FAM178B: variants seen among roughly 807,000 people sequenced by gnomAD.
The protein encoded by FAM178B is protein FAM178B.
In FAM178B, 82 loss-of-function variants were observed where a neutral mutation model predicts 91.7. That is an observed-to-expected ratio of 0.89 (90% CI 0.75 to 1.07). The LOEUF is 1.07. FAM178B is among the 50% of genes least tolerant of loss of function. The pLI, the probability that FAM178B is intolerant of heterozygous loss-of-function variation, is 0.00. For synonymous variants in FAM178B, 368 were observed against 359.4 expected (o/e 1.02, Z -0.27); for missense variants, 769 against 846.7 (o/e 0.91, Z 1.14).
intron 13 of FAM178B, chr2:96,897,792 GT>G (rs2080851912): frequency 5.7e-6 from 1 of 176,510 alleles, no homozygotes; most frequent in Non-Finnish European, 1.1e-5. Flanking sequence ...ATTTTTAAAC[GT>G]TGTATAAATC....
At chr2:96,957,364 G>C (rs925615130) in intron 6 of FAM178B, among the ~76,000 whole-genome samples, 7 of 152,194 alleles carry the variant, frequency 4.6e-5, no homozygotes, top group Non-Finnish European at 8.8e-5. Context: ...AGAGGTCCCA[G>C]GACTGAGACC....
At chr2:96,949,560 T>TG (rs1323311072) in intron 7 of FAM178B, among the ~76,000 whole-genome samples, 2 of 152,058 alleles carry the variant, frequency 1.3e-5, no homozygotes, top group African/African-American at 2.4e-5. Flanking sequence ...CCCTGGGACC[T>TG]CAGGAACCAC....
At chr2:96,882,171 C>G (rs2080400782) in intron 14 of FAM178B, among the ~76,000 whole-genome samples, 1 of 152,214 alleles carries the variant, frequency 6.6e-6, no homozygotes. Context: ...GTCCAGACAA[C>G]AAGCAAGGTG....
intron 14 of FAM178B, among the ~76,000 whole-genome samples, chr2:96,889,634 T>C (rs112729952): frequency 0.25 from 37,887 of 150,566 alleles, 6,052 homozygotes; most frequent in South Asian, 0.67. Flanking sequence ...ACCAAGATTG[T>C]GCCATTGCAC....
rs981509658 is a variant in FAM178B at position 96,898,277 on chromosome 2, G to A, written c.1651-4226C>T. On this transcript the variant is annotated intron_variant, in intron 13 of 16. Transcript: ENST00000490605. ...GCAGGGCACTTCACCATGAAGTGGC[G>A]GGTGTGGTCCAGGATGTCCAGAGGC... The A allele has an allele frequency of 4.4e-5, 11 of 252,530 alleles. No homozygotes were observed. The South Asian group carries it at 4.4e-4, about 10-fold the overall frequency. The allele number at this position is 252,530 out of a possible 1,614,324, so 15.6% of individuals were successfully genotyped here.
intron 12 of FAM178B, among the ~76,000 whole-genome samples, chr2:96,910,172 C>T (rs535422530): frequency 8.5e-5 from 13 of 152,282 alleles, no homozygotes; most frequent in African/African-American, 2.9e-4. Context: ...TCCTTTTCTA[C>T]GTATGTGCTC....
intron 14 of FAM178B, among the ~76,000 whole-genome samples, chr2:96,887,937 C>T (rs1267634865): frequency 1.3e-5 from 2 of 152,124 alleles, no homozygotes; most frequent in African/African-American, 2.4e-5. Flanking sequence ...AGAATGCAAG[C>T]CTGCCTCCGC....
chr2:96,951,592 A>G (rs2081929264), intron 6 of FAM178B, 108 bp from the exon 7 acceptor site: 5 of 798,606 alleles, frequency 6.3e-6, no homozygotes, highest in South Asian at 1.5e-5. Context: ...GTTGGGAAGC[A>G]TATCTGTAAC....
chr2:96,932,021 G>A (rs768306815), intron 8 of FAM178B, among the ~76,000 whole-genome samples: 10 of 152,180 alleles, frequency 6.6e-5, no homozygotes, highest in East Asian at 3.9e-4. Context: ...GACTGTGCAC[G>A]TATGTGCATG....
rs145311710 is a variant in FAM178B at position 96,921,767 on chromosome 2, G to A, written c.1288-113C>T. On this transcript the variant is annotated intron_variant, in intron 10 of 16. Transcript: ENST00000490605. ...CAGAAGGGATGGTACTGTGAGCCCCGCGGCCATGTTGGGTAGGAGCTCAGG... is the reference window on the plus strand; with the variant it reads ...CAGAAGGGATGGTACTGTGAGCCCCACGGCCATGTTGGGTAGGAGCTCAGG... The A allele has an allele frequency of 4.0e-3, 4,397 of 1,112,814 alleles. 26 individuals carry two copies. Among genetic ancestry groups the A allele is most frequent in the South Asian group, 0.01 (679 of 66,366 alleles). The allele number at this position is 1,112,814 out of a possible 1,614,324, so 68.9% of individuals were successfully genotyped here.
intron 14 of FAM178B, among the ~76,000 whole-genome samples, chr2:96,880,885 C>T (rs549409369): frequency 2.6e-5 from 4 of 152,266 alleles, no homozygotes; most frequent in South Asian, 2.1e-4. Context: ...TGAGCCACCG[C>T]GCCCGGCTAA....
intron 15 of FAM178B, 75 bp downstream of exon 15, chr2:96,878,341 A>T: frequency 6.9e-7 from 1 of 1,444,530 alleles, no homozygotes; most frequent in Non-Finnish European, 9.6e-7. Flanking sequence ...GCGCCATCCC[A>T]GCCAACCCCC....
At chr2:96,883,098 C>T (rs1574181343) in intron 14 of FAM178B, among the ~76,000 whole-genome samples, 1 of 152,318 alleles carries the variant, frequency 6.6e-6, no homozygotes, top group Non-Finnish European at 1.5e-5. Context: ...CCGTGCCCTC[C>T]CCCTGGGGAA....
intron 6 of FAM178B, among the ~76,000 whole-genome samples, chr2:96,958,235 A>C (rs568223185): frequency 1.3e-5 from 2 of 152,114 alleles, no homozygotes; most frequent in South Asian, 4.2e-4. Flanking sequence ...ACGCCCAGCT[A>C]ATTTTTTTGT....
At chr2:96,915,859 C>T (rs1002996571) in intron 12 of FAM178B, among the ~76,000 whole-genome samples, 3 of 151,724 alleles carry the variant, frequency 2.0e-5, no homozygotes, top group Admixed American at 6.6e-5. Flanking sequence ...CCCTAGGCAA[C>T]CAAAAACACT....
chr2:96,889,218 C>T (rs573044261), intron 14 of FAM178B, among the ~76,000 whole-genome samples: 14 of 152,322 alleles, frequency 9.2e-5, no homozygotes, highest in Admixed American at 8.5e-4. Context: ...GACCATCCCC[C>T]TTTGTGGTCC....
intron 12 of FAM178B, among the ~76,000 whole-genome samples, chr2:96,903,050 T>A (rs2080964585): frequency 6.6e-6 from 1 of 151,990 alleles, no homozygotes; most frequent in Non-Finnish European, 1.5e-5. Flanking sequence ...TTTTATTTTA[T>A]TTTTTTTGAG....
At chr2:96,976,785 T>C (rs887517800) in intron 1 of FAM178B, among the ~76,000 whole-genome samples, 2 of 150,976 alleles carry the variant, frequency 1.3e-5, no homozygotes, top group Non-Finnish European at 3.0e-5. Context: ...GAGGCGGAGG[T>C]TGTAGTGAGC....
chr2:96,887,729 G>A (rs994955527), intron 14 of FAM178B, among the ~76,000 whole-genome samples: 6 of 152,340 alleles, frequency 3.9e-5, no homozygotes, highest in Non-Finnish European at 1.5e-5. Flanking sequence ...AACTCAGAAC[G>A]AGAAGAAGAT....
Sources: gnomAD v4.1 joint callset for allele counts (sites outside exome capture counted in the v4.1 genomes callset) on GRCh38, gnomAD v4.1.1 for gene constraint, MANE v1.5 for transcripts, NCBI Gene and HGNC (gene_info 2026-07-23, HGNC 2026-07-21) for gene names.